Variants in AGTPBP1 observed in about 807,000 individuals in gnomAD.
The protein encoded by AGTPBP1 is ATP/GTP binding carboxypeptidase 1.
In AGTPBP1, 70 loss-of-function variants were observed where a neutral mutation model predicts 143.9. The observed-to-expected ratio is 0.49, with a 90% CI of 0.40 to 0.59. AGTPBP1 has a LOEUF of 0.59. Ranked by LOEUF, AGTPBP1 falls within the 20% of genes least tolerant of loss-of-function variation. The pLI is 0.00. For synonymous variants in AGTPBP1, 463 were observed against 500.2 expected (o/e 0.93, Z 0.99); for missense variants, 1,229 against 1,464.5 (o/e 0.84, Z 2.62).
the AGTPBP1 span, among the ~76,000 whole-genome samples, chr9:85,765,554 G>A: frequency 6.6e-6 from 1 of 151,922 alleles, no homozygotes; most frequent in African/African-American, 2.4e-5. Context: ...TCATTTATGG[G>A]CTGTCAAATT....
intron 8 of AGTPBP1, among the ~76,000 whole-genome samples, chr9:85,667,412 C>G (rs1211197839): frequency 6.6e-6 from 1 of 151,986 alleles, no homozygotes; most frequent in Non-Finnish European, 1.5e-5. Flanking sequence ...ACAAAAGATT[C>G]ACAGCTAATA....
the AGTPBP1 span, among the ~76,000 whole-genome samples, chr9:85,788,260 A>C: frequency 6.6e-6 from 1 of 151,826 alleles, no homozygotes; most frequent in East Asian, 1.9e-4. Context: ...GACTGTTTGA[A>C]GTCAGATTCT....
At chr9:85,648,106 G>A (rs1005555304) in intron 11 of AGTPBP1, among the ~76,000 whole-genome samples, 1 of 152,172 alleles carries the variant, frequency 6.6e-6, no homozygotes, top group African/African-American at 2.4e-5. Context: ...CCTAGCTCCC[G>A]AACTTACTAG....
intron 25 of AGTPBP1, among the ~76,000 whole-genome samples, chr9:85,555,337 C>T (rs980585778): frequency 7.9e-5 from 12 of 152,292 alleles, no homozygotes; most frequent in Admixed American, 5.9e-4. Flanking sequence ...CAGTGGTACA[C>T]GCCTGTAATC....
chr9:85,713,195 T>A (rs1837490898), intron 1 of AGTPBP1, among the ~76,000 whole-genome samples: 1 of 152,238 alleles, frequency 6.6e-6, no homozygotes, highest in Non-Finnish European at 1.5e-5. Context: ...TAGCAGAATT[T>A]TTTGGCATCA....
chr9:85,553,279 T>G (rs770264083), intron 25 of AGTPBP1, among the ~76,000 whole-genome samples: 6 of 152,230 alleles, frequency 3.9e-5, no homozygotes, highest in Non-Finnish European at 7.3e-5. Context: ...AAAAGTACAA[T>G]ACAGTCCCTG....
At chr9:85,674,635 T>G (rs953356553) in intron 6 of AGTPBP1, among the ~76,000 whole-genome samples, 1 of 152,098 alleles carries the variant, frequency 6.6e-6, no homozygotes, top group Non-Finnish European at 1.5e-5. Context: ...AGCTAACATA[T>G]TCCTTAAATA....
intron 25 of AGTPBP1, among the ~76,000 whole-genome samples, chr9:85,555,861 GA>G (rs1454150897): frequency 6.6e-6 from 1 of 152,106 alleles, no homozygotes; most frequent in Non-Finnish European, 1.5e-5. Context: ...AGAAATAGAG[GA>G]AGAAATGAAG....
At chr9:85,701,389 C>T (rs1836649421) in intron 2 of AGTPBP1, among the ~76,000 whole-genome samples, 1 of 151,544 alleles carries the variant, frequency 6.6e-6, no homozygotes, top group African/African-American at 2.4e-5. Flanking sequence ...ACCACCATGC[C>T]CAGCTAATTT....
intron 1 of AGTPBP1, among the ~76,000 whole-genome samples, chr9:85,723,221 G>A (rs113502060): frequency 1.3e-5 from 2 of 152,364 alleles, no homozygotes; most frequent in African/African-American, 4.8e-5. Flanking sequence ...CTGTCAGACA[G>A]GGAAAATTAG....
At position 85,548,665 on chromosome 9, in the gene AGTPBP1, GTT is replaced by G. The variant is rs779748206; in HGVS notation, c.3504-1381_3504-1380del. Reference sequence around the variant, plus strand: ...TAAAAGAAATGATTATTTGGCTTTGGTTTTTTTTTGTTTTTGTTTTTGTTTTT... The same window carrying G: ...TAAAAGAAATGATTATTTGGCTTTGGTTTTTTTGTTTTTGTTTTTGTTTTT... On this transcript the variant is annotated intron_variant, in intron 25 of 25. Coordinates refer to ENST00000357081, the MANE Select transcript of AGTPBP1 (RefSeq NM_001330701.2). Among the ~76,000 whole-genome samples, 207 of 141,312 alleles carry G rather than the reference GTT, an allele frequency of 1.5e-3. 1 individual carries two copies. Among genetic ancestry groups the G allele is most frequent in the African/African-American group, 5.0e-3 (169 of 33,612 alleles). The allele number at this position is 141,312 out of a possible 152,430, so 92.7% of individuals were successfully genotyped here.
the AGTPBP1 span, among the ~76,000 whole-genome samples, chr9:85,796,578 T>C: frequency 1.3e-5 from 2 of 151,758 alleles, no homozygotes; most frequent in Admixed American, 6.6e-5. Context: ...CTACCTCCAA[T>C]GTGTATTTCA....
In AGTPBP1 at chr9:85,643,114, G is replaced by T; in HGVS notation, c.1186-171C>A. 1.0e-5 allele frequency: 6 copies of T among 571,728 alleles called. 1 individual carries two copies. The highest frequency in any genetic ancestry group is 1.8e-5 in the Non-Finnish European group (6 of 330,420). 35.4% of individuals were successfully genotyped at this position (571,728 alleles called of 1,614,324 possible). Reference sequence around the variant, plus strand: ...AAATTCAAATTTGCTTATTGTTTTGGGGTTGTTGTGTTATTGTTGGGTAGT... The same window carrying T: ...AAATTCAAATTTGCTTATTGTTTTGTGGTTGTTGTGTTATTGTTGGGTAGT... On this transcript the variant is annotated intron_variant, in intron 12 of 25. Transcript: ENST00000357081.
the AGTPBP1 span, among the ~76,000 whole-genome samples, chr9:85,756,937 T>A: frequency 6.7e-6 from 1 of 149,520 alleles, no homozygotes; most frequent in Non-Finnish European, 1.5e-5. Flanking sequence ...AGTGGTTACC[T>A]AGGGTTGGTG....
chr9:85,672,901 ATTTTTGG>A (rs1220487964), intron 6 of AGTPBP1, among the ~76,000 whole-genome samples: 1 of 151,654 alleles, frequency 6.6e-6, no homozygotes, highest in African/African-American at 2.4e-5. Context: ...CACTGGGTTA[ATTTTTGG>A]ATTTTTAGTG....
intron 4 of AGTPBP1, among the ~76,000 whole-genome samples, chr9:85,680,754 T>C (rs1382942400): frequency 6.6e-6 from 1 of 152,114 alleles, no homozygotes; most frequent in Non-Finnish European, 1.5e-5. Flanking sequence ...CTGAACAAAA[T>C]ACAGAATCCT....
chr9:85,723,535 C>A (rs557244350), intron 1 of AGTPBP1, among the ~76,000 whole-genome samples: 2 of 152,296 alleles, frequency 1.3e-5, no homozygotes, highest in East Asian at 3.9e-4. Flanking sequence ...CTGTGGGTTG[C>A]GAAGACTATG....
chr9:85,743,162 T>C (rs1236866287), upstream of AGTPBP1, among the ~76,000 whole-genome samples: 3 of 152,170 alleles, frequency 2.0e-5, no homozygotes, highest in Non-Finnish European at 2.9e-5. Flanking sequence ...TATCTGAAAA[T>C]ACCCAATAAT....
At chr9:85,754,603 C>T in the AGTPBP1 span, among the ~76,000 whole-genome samples, 1 of 151,808 alleles carries the variant, frequency 6.6e-6, no homozygotes. Flanking sequence ...AGTCATAATC[C>T]ACAAACTAAT....
Sources: gnomAD v4.1 joint callset for allele counts (sites outside exome capture counted in the v4.1 genomes callset) on GRCh38, gnomAD v4.1.1 for gene constraint, MANE v1.5 for transcripts, NCBI Gene and HGNC (gene_info 2026-07-23, HGNC 2026-07-21) for gene names.